FLYWCH1: variants seen among roughly 807,000 people sequenced by gnomAD.
The protein encoded by FLYWCH1 is FLYWCH-type zinc finger 1, also known as FLYWCH-type zinc finger-containing protein 1.
FLYWCH1 carries 75 observed loss-of-function variants against 66.4 expected under a neutral mutation model. The observed-to-expected ratio is 1.13, with a 90% CI of 0.94 to 1.37. FLYWCH1 has a LOEUF of 1.37. Among genes scored for constraint, FLYWCH1 ranks in the 40% most tolerant of loss-of-function variants. FLYWCH1 has a pLI of 0.00. For missense variants in FLYWCH1, 1,334 were observed against 1,001.8 expected (o/e 1.33, Z -4.48); for synonymous variants, 595 against 429.9 (o/e 1.38, Z -4.75).
rs901666020 is a variant in FLYWCH1 at position 2,927,753 on chromosome 16, C to T, written c.-73-1860C>T. On this transcript the variant is annotated intron_variant, in intron 2 of 9. Coordinates refer to ENST00000253928, the MANE Select transcript of FLYWCH1 (RefSeq NM_001308068.2). ...TGGGCGCCAGGTGAAGGAGGCCTGC[C>T]GCTCCACACCTATGGATATTTCTCG... Among the ~76,000 whole-genome samples the T allele has an allele frequency of 3.3e-5, 5 of 152,274 alleles. No homozygotes were observed. In the East Asian group the frequency reaches 5.8e-4, roughly 18 times the overall value.
Position 2,933,181 on chromosome 16 carries a change from T to C in FLYWCH1, c.848T>C (p.Leu283Pro), listed in dbSNP as rs2077734691. The change falls in exon 5 of 10, where the codon CTG becomes CCG. Residue 283 changes from leucine (L) to proline (P), a missense_variant. Physicochemically the swap from Leu to Pro is moderately conservative, Grantham distance 98. Coordinates refer to ENST00000253928, the MANE Select transcript of FLYWCH1 (RefSeq NM_001308068.2). ...FLRTCYGGSF[L>P]VHESFLYKRE... ...AGGACGTGCTACGGGGGCAGCTTCCTGGTACACGAGTCGTTCCTCTACAAG... is the reference window on the plus strand; with the variant it reads ...AGGACGTGCTACGGGGGCAGCTTCCCGGTACACGAGTCGTTCCTCTACAAG... 1.2e-6 allele frequency: 2 copies of C among 1,613,576 alleles called. No homozygotes were observed. The highest frequency in any genetic ancestry group is 2.7e-5 in the African/African-American group (2 of 74,832).
At chr16:2,948,610 G>A (rs1204204025) in intron 9 of FLYWCH1, 78 bp from the exon 10 acceptor site, 16 of 1,469,670 alleles carry the variant, frequency 1.1e-5, no homozygotes, top group Non-Finnish European at 1.4e-5. Context: ...AAGGATTCCA[G>A]GAATCCTGAA....
chr16:2,928,339 T>C (rs1389178929), intron 2 of FLYWCH1, among the ~76,000 whole-genome samples: 1 of 152,216 alleles, frequency 6.6e-6, no homozygotes, highest in Non-Finnish European at 1.5e-5. Context: ...TGGTAAGGTC[T>C]TTCCTTTCCC....
At chr16:2,936,607 C>T (rs2071013132) in intron 6 of FLYWCH1, 1 of 457,310 alleles carries the variant, frequency 2.2e-6, no homozygotes, top group East Asian at 6.9e-5. Flanking sequence ...AAGGCACAGC[C>T]ACCCGCCAGG....
chr16:2,926,558 GA>G (rs1217037237), intron 2 of FLYWCH1, among the ~76,000 whole-genome samples: 1 of 152,118 alleles, frequency 6.6e-6, no homozygotes, highest in Non-Finnish European at 1.5e-5. Context: ...CAGGGCCTGG[GA>G]AAAAAATTCA....
In FLYWCH1 at chr16:2,948,956, G is replaced by A. The variant is rs979373416; in HGVS notation, c.*229G>A. 12 of 544,250 alleles carry A rather than the reference G, an allele frequency of 2.2e-5. No homozygotes were observed. The highest frequency in any genetic ancestry group is 8.2e-5 in the South Asian group (4 of 48,632). The allele number at this position is 544,250 out of a possible 1,614,324, so 33.7% of individuals were successfully genotyped here. A position where few individuals can be genotyped will look rare whatever the true frequency, so the allele number is the denominator to read the frequency against. ...GCTGGCGCTTGCAGACGCAGCTGTC[G>A]TGGGGCAGGGCGGTGGCGCCTTCCT... On this transcript the variant is annotated 3_prime_UTR_variant, in exon 10 of 10. Coordinates refer to ENST00000253928, the MANE Select transcript of FLYWCH1 (RefSeq NM_001308068.2).
chr16:2,924,699 CAA>C (rs2070494425), intron 2 of FLYWCH1, among the ~76,000 whole-genome samples: 1 of 152,168 alleles, frequency 6.6e-6, no homozygotes, highest in Non-Finnish European at 1.5e-5. Flanking sequence ...CAGGTGGAGA[CAA>C]AGCCCGGTTG....
chr16:2,931,148 C>G (rs368179879), intron 4 of FLYWCH1, among the ~76,000 whole-genome samples: 2 of 151,422 alleles, frequency 1.3e-5, no homozygotes, highest in African/African-American at 4.9e-5. Context: ...ACTAAAAATA[C>G]AACACTTAGC....
At chr16:2,936,227 C>T (rs2070993188) in intron 6 of FLYWCH1, 3 of 353,840 alleles carry the variant, frequency 8.5e-6, no homozygotes, top group South Asian at 6.2e-5. Flanking sequence ...TGGATATTTT[C>T]ATCCGTGTGG....
chr16:2,940,537 G>T lies in FLYWCH1; in HGVS notation c.2111+445G>T, dbSNP rs572283692. ...TGCAAACTCTACCTTCCGGGTTCAA[G>T]CAATTCTCCTGTCTCAGCCCCCTGA... is the stretch of plus-strand genomic sequence containing the variant. On this transcript the variant is annotated intron_variant, in intron 9 of 9. Transcript: ENST00000253928. Among the ~76,000 whole-genome samples the T allele has an allele frequency of 2.0e-5, 3 of 152,204 alleles. No homozygotes were observed. In the East Asian group the frequency reaches 5.8e-4, roughly 29 times the overall value.
Position 2,949,114 on chromosome 16 carries a change from G to T in FLYWCH1, c.*387G>T, listed in dbSNP as rs908248264. On this transcript the variant is annotated 3_prime_UTR_variant, in exon 10 of 10. Coordinates refer to ENST00000253928, the MANE Select transcript of FLYWCH1 (RefSeq NM_001308068.2). ...GGCGAGGCCCCGCTCTGCTCAGCAC[G>T]GTGCAAAGTGAATGCTGCTGTCTTG... 1 of 241,266 alleles carries T rather than the reference G, an allele frequency of 4.1e-6. No homozygotes were observed. The highest frequency in any genetic ancestry group is 8.2e-6 in the Non-Finnish European group (1 of 122,230). The allele number at this position is 241,266 out of a possible 1,614,324, so 14.9% of individuals were successfully genotyped here. A position where few individuals can be genotyped will look rare whatever the true frequency, so the allele number is the denominator to read the frequency against.
At chr16:2,930,998 A>C in intron 4 of FLYWCH1, 118 bp downstream of exon 4, 6 of 803,304 alleles carry the variant, frequency 7.5e-6, no homozygotes, top group Non-Finnish European at 1.1e-5. Flanking sequence ...CTCAAAGCTA[A>C]AATGACTTTT....
At chr16:2,914,983 G>A (rs1470395382) in intron 2 of FLYWCH1, among the ~76,000 whole-genome samples, 3 of 148,986 alleles carry the variant, frequency 2.0e-5, no homozygotes, top group Non-Finnish European at 3.0e-5. Context: ...TAGGGCCCCT[G>A]TATCTACTGT....
At chr16:2,926,691 C>G (rs1241725734) in intron 2 of FLYWCH1, among the ~76,000 whole-genome samples, 1 of 152,208 alleles carries the variant, frequency 6.6e-6, no homozygotes, top group Middle Eastern at 3.4e-3. Context: ...ATGATAACAC[C>G]CAAAAGGTTA....
At chr16:2,932,935 C>T (rs970605948) in intron 4 of FLYWCH1, among the ~76,000 whole-genome samples, 195 bp from the exon 5 acceptor site, 2 of 151,868 alleles carry the variant, frequency 1.3e-5, no homozygotes, top group African/African-American at 4.8e-5. Flanking sequence ...GAATGAGACT[C>T]TCCTCCGGGT....
chr16:2,925,568 G>T (rs1362108115), intron 2 of FLYWCH1, among the ~76,000 whole-genome samples: 3 of 128,262 alleles, frequency 2.3e-5, no homozygotes, highest in Admixed American at 7.5e-5. Context: ...GGGGTAGGGG[G>T]AGTTGCGGGG....
intron 2 of FLYWCH1, among the ~76,000 whole-genome samples, chr16:2,918,683 C>T (rs576573462): frequency 2.6e-5 from 4 of 152,194 alleles, no homozygotes; most frequent in Non-Finnish European, 4.4e-5. Context: ...TCAGGTGATC[C>T]GCCTGCCTCG....
chr16:2,937,443 C>G lies in FLYWCH1; in HGVS notation c.1777+59C>G, dbSNP rs1397424536. 1.2e-5 allele frequency: 18 copies of G among 1,470,216 alleles called. No individual in the cohort carries two copies. The East Asian group carries it at 4.3e-4, about 35-fold the overall frequency. The allele number at this position is 1,470,216 out of a possible 1,614,324, so 91.1% of individuals were successfully genotyped here. On this transcript the variant is annotated intron_variant, in intron 7 of 9. Transcript: ENST00000253928. ...GGTCTCCCAGGACCTGTGCCCCACA[C>G]GCTGGCTGGAGGCTGCCCGTGGGGT...
chr16:2,948,100 G>C (rs1369595400), intron 9 of FLYWCH1, among the ~76,000 whole-genome samples: 1 of 152,122 alleles, frequency 6.6e-6, no homozygotes, highest in Non-Finnish European at 1.5e-5. Flanking sequence ...CTTGAGGCTT[G>C]GGTGTGATGG....
Sources: gnomAD v4.1 joint callset for allele counts (sites outside exome capture counted in the v4.1 genomes callset) on GRCh38, gnomAD v4.1.1 for gene constraint, MANE v1.5 for transcripts, NCBI Gene and HGNC (gene_info 2026-07-23, HGNC 2026-07-21) for gene names.